Variants in TXNRD1 observed in about 807,000 individuals in gnomAD.
TXNRD1 encodes the protein thioredoxin reductase 1, cytoplasmic.
In TXNRD1, 57 loss-of-function variants were observed where a neutral mutation model predicts 80.3. That is an observed-to-expected ratio of 0.71 (90% CI 0.57 to 0.89). The LOEUF (loss-of-function observed/expected upper bound fraction) is 0.89, where lower values mean the gene tolerates loss of function less well. TXNRD1 is among the 40% of genes least tolerant of loss of function. The probability of loss-of-function intolerance (pLI) is 0.00; values close to 1 mark genes in which losing one functional copy is unlikely to be tolerated. For synonymous variants in TXNRD1, 291 were observed against 285.2 expected, an observed-to-expected ratio of 1.02 and a Z score of -0.20; for missense variants, 730 against 803.0, an observed-to-expected ratio of 0.91 and a Z score of 1.10.
intron 4 of TXNRD1, among the ~76,000 whole-genome samples, chr12:104,300,220 G>C (rs1184957755): frequency 6.6e-6 from 1 of 152,134 alleles, no homozygotes; most frequent in Non-Finnish European, 1.5e-5. Flanking sequence ...TAAACTCCTA[G>C]AAAAGGAACT....
chr12:104,345,953 T>G (rs964724811), intron 16 of TXNRD1: 1 of 1,288,478 alleles, frequency 7.8e-7, no homozygotes, highest in Non-Finnish European at 1.0e-6. Context: ...TTTTTAAAAA[T>G]ACATGTTTTT....
At chr12:104,233,161 C>T (rs1186431830) in intron 1 of TXNRD1, among the ~76,000 whole-genome samples, 1 of 152,168 alleles carries the variant, frequency 6.6e-6, no homozygotes, top group Non-Finnish European at 1.5e-5. Context: ...AGTACAAGGA[C>T]ATAGAATGTA....
At chr12:104,313,182 A>G in intron 5 of TXNRD1, 63 bp from the exon 6 acceptor site, 3 of 1,331,576 alleles carry the variant, frequency 2.3e-6, no homozygotes, top group Admixed American at 2.1e-5. Context: ...TGGATTTTTA[A>G]CAGCCCATTT....
intron 5 of TXNRD1, among the ~76,000 whole-genome samples, chr12:104,311,663 A>C (rs2035138262): frequency 6.6e-6 from 1 of 151,928 alleles, no homozygotes; most frequent in Admixed American, 6.5e-5. Context: ...GTTCACTTTA[A>C]GTTTAATTGA....
chr12:104,220,755 G>A (rs1443926667), intron 1 of TXNRD1, among the ~76,000 whole-genome samples: 1 of 149,180 alleles, frequency 6.7e-6, no homozygotes, highest in Non-Finnish European at 1.5e-5. Flanking sequence ...GGGGGGAGGC[G>A]GTATTTTAGA....
At chr12:104,239,942 G>A (rs146783436) in intron 1 of TXNRD1, among the ~76,000 whole-genome samples, 30 of 152,272 alleles carry the variant, frequency 2.0e-4, no homozygotes, top group African/African-American at 6.3e-4. Flanking sequence ...CCACTAGCTC[G>A]TGGAATATTA....
At chr12:104,260,755 CT>C (rs2033349546) in intron 3 of TXNRD1, among the ~76,000 whole-genome samples, 1 of 152,152 alleles carries the variant, frequency 6.6e-6, no homozygotes, top group South Asian at 2.1e-4. Flanking sequence ...TCCTGGGAAA[CT>C]TAAGTCACTT....
At chr12:104,343,983 G>A (rs904232796) in intron 16 of TXNRD1, among the ~76,000 whole-genome samples, 2 of 151,206 alleles carry the variant, frequency 1.3e-5, no homozygotes, top group East Asian at 2.0e-4. Flanking sequence ...CATACCTGTA[G>A]TCCCAGCTAC....
intron 3 of TXNRD1, among the ~76,000 whole-genome samples, chr12:104,276,964 G>A (rs2033769099): frequency 6.6e-6 from 1 of 152,136 alleles, no homozygotes. Flanking sequence ...AATAAAGATG[G>A]GAGCCGGGCA....
chr12:104,255,846 A>G (rs1249556885), intron 2 of TXNRD1, among the ~76,000 whole-genome samples: 1 of 152,166 alleles, frequency 6.6e-6, no homozygotes, highest in African/African-American at 2.4e-5. Flanking sequence ...ATCATTATCC[A>G]AACAATCCCT....
intron 3 of TXNRD1, among the ~76,000 whole-genome samples, chr12:104,266,893 C>T (rs1196113691): frequency 6.6e-6 from 1 of 151,894 alleles, no homozygotes. Context: ...ACCCGGGAGG[C>T]GGAGCTTGCA....
rs1417226779 is a variant in TXNRD1, at chr12:104,215,812, G to A, written c.10G>A (p.Ala4Thr). The change falls in exon 1 of 17, where the codon GCC becomes ACC. Residue 4 changes from alanine to threonine, a missense_variant. Physicochemically the swap from Ala to Thr is moderately conservative, Grantham distance 58 (BLOSUM62 0). Transcript: ENST00000525566. MGC[A>T]EGKAVAAAAP... Reference sequence around the variant, plus strand: ...CAGGGCCTTGTGCGACATGGGCTGCGCCGAGGGCAAGGCAGTGGCGGCGGC... The same window carrying A: ...CAGGGCCTTGTGCGACATGGGCTGCACCGAGGGCAAGGCAGTGGCGGCGGC... The A allele has an allele frequency of 6.4e-6, 10 of 1,561,504 alleles. No homozygotes were observed. Among genetic ancestry groups the A allele is most frequent in the Non-Finnish European group, 8.7e-6 (10 of 1,153,412 alleles).
At chr12:104,236,776 G>A (rs1017765955) in intron 1 of TXNRD1, among the ~76,000 whole-genome samples, 5 of 99,446 alleles carry the variant, frequency 5.0e-5, no homozygotes, top group Non-Finnish European at 9.4e-5. Flanking sequence ...CAACAAGAGT[G>A]AAAACTGTCT....
chr12:104,310,173 T>C, intron 4 of TXNRD1: 83 of 868,392 alleles, frequency 9.6e-5, no homozygotes, highest in African/African-American at 1.5e-4. Flanking sequence ...TGAGATGGAG[T>C]CTCACTCTGT....
rs772202256 is a variant in TXNRD1, at chr12:104,302,486, C to CTTTTTTTTTTTTTTTTTT, written c.415-8800_415-8783dup. ...TTTAAAAACCAGATGTATTCATTCC[C>CTTTTTTTTTTTTTTTTTT]TTTTTTTTTTTTTTTTTTTTTGAGA... On this transcript the variant is annotated intron_variant, in intron 4 of 16. Transcript: ENST00000525566. Among the ~76,000 whole-genome samples, 55 of 76,232 alleles carry CTTTTTTTTTTTTTTTTTT rather than the reference C, an allele frequency of 7.2e-4. 13 individuals carry two copies. The highest frequency in any genetic ancestry group is 1.1e-3 in the Admixed American group (6 of 5,382). The allele number at this position is 76,232 out of a possible 152,430, so 50.0% of individuals were successfully genotyped here. A position where few individuals can be genotyped will look rare whatever the true frequency, so the allele number is the denominator to read the frequency against.
At chr12:104,309,981 A>G in intron 4 of TXNRD1, 8 of 1,535,894 alleles carry the variant, frequency 5.2e-6, no homozygotes, top group Non-Finnish European at 7.0e-6. Context: ...CCTCCTTCAC[A>G]TTGCTCCACC....
rs567094094 is a variant in TXNRD1 at position 104,265,267 on chromosome 12, A to C, written c.304+7188A>C. 8.4e-3 allele frequency: 12,830 copies of C among 1,526,376 alleles called. 33 individuals are homozygous for C. The highest frequency in any genetic ancestry group is 0.011 in the Middle Eastern group (49 of 4,320). 94.6% of individuals were successfully genotyped at this position (1,526,376 alleles called of 1,614,324 possible). ...CTCCGTCTTAAAAAAAAAAAAAAAA[A>C]AACTTCCTTTTGCGGGTGGCGGCGA... On this transcript the variant is annotated intron_variant, in intron 3 of 16. Coordinates refer to ENST00000525566, the MANE Select transcript of TXNRD1 (RefSeq NM_001093771.3).
At chr12:104,321,052 C>CTT (rs745623236) in intron 9 of TXNRD1, 39 bp from the exon 10 acceptor site, 1 of 1,409,764 alleles carries the variant, frequency 7.1e-7, no homozygotes, top group Non-Finnish European at 9.8e-7. Flanking sequence ...TAGGAACTTT[C>CTT]TTTTTCTTCT....
chr12:104,331,719 A>T, intron 14 of TXNRD1, 78 bp downstream of exon 14: 1 of 922,604 alleles, frequency 1.1e-6, no homozygotes, highest in East Asian at 2.7e-5. Flanking sequence ...TAGAAGACTT[A>T]AAAAATAGTA....
Sources: allele counts gnomAD v4.1 joint callset (sites outside exome capture counted in the v4.1 genomes callset), GRCh38; gene constraint gnomAD v4.1.1; transcripts MANE v1.5; gene names NCBI Gene and HGNC (gene_info 2026-07-23, HGNC 2026-07-21).